DPYSL3: variants seen among roughly 807,000 people sequenced by gnomAD.
DPYSL3 encodes dihydropyrimidinase-related protein 3.
A neutral mutation model predicts 66.1 loss-of-function variants in DPYSL3; 16 were observed. The observed-to-expected ratio is 0.24, with a 90% CI of 0.16 to 0.37. DPYSL3 has a LOEUF of 0.37. DPYSL3 is among the 10% of genes least tolerant of loss of function. DPYSL3 has a pLI of 1.00. For missense variants in DPYSL3, 738 were observed against 916.2 expected, an observed-to-expected ratio of 0.81 and a Z score of 2.51; for synonymous variants, 338 against 345.1, an observed-to-expected ratio of 0.98 and a Z score of 0.23.
chr5:147,443,034 G>C (rs1461283812), intron 1 of DPYSL3, among the ~76,000 whole-genome samples: 2 of 152,162 alleles, frequency 1.3e-5, no homozygotes, highest in Non-Finnish European at 2.9e-5. Flanking sequence ...CAGTAAAACA[G>C]ATAGTAGCAA....
chr5:147,444,168 C>A (rs1355153609), intron 1 of DPYSL3, among the ~76,000 whole-genome samples: 7 of 152,020 alleles, frequency 4.6e-5, no homozygotes, highest in African/African-American at 1.4e-4. Flanking sequence ...TAGCACCATA[C>A]CGTGGGGTTA....
chr5:147,428,327 T>C (rs1345640516), intron 1 of DPYSL3, among the ~76,000 whole-genome samples: 3 of 152,096 alleles, frequency 2.0e-5, no homozygotes, highest in African/African-American at 7.2e-5. Flanking sequence ...AGAGCTCAAA[T>C]AAATGCTTCC....
intron 8 of DPYSL3, 42 bp from the exon 9 acceptor site, chr5:147,401,738 T>A: frequency 6.2e-7 from 1 of 1,610,462 alleles, no homozygotes; most frequent in Non-Finnish European, 8.5e-7. Flanking sequence ...GCATAAAGTA[T>A]ATGCTGCACT....
chr5:147,457,453 G>C (rs141242775), intron 1 of DPYSL3, among the ~76,000 whole-genome samples: 25 of 152,292 alleles, frequency 1.6e-4, no homozygotes, highest in African/African-American at 6.0e-4. Flanking sequence ...AGATTAAATA[G>C]GTGAAGAAGA....
chr5:147,400,548 G>C, intron 10 of DPYSL3, 144 bp downstream of exon 10: 1 of 1,133,818 alleles, frequency 8.8e-7, no homozygotes. Context: ...CACTGCCAGA[G>C]CCACATGGTT....
At chr5:147,407,361 G>A (rs908212467) in intron 7 of DPYSL3, among the ~76,000 whole-genome samples, 11 of 152,110 alleles carry the variant, frequency 7.2e-5, no homozygotes, top group African/African-American at 2.7e-4. Flanking sequence ...ATAAGGAGGA[G>A]GGTGGGGTGG....
At chr5:147,508,596 T>A (rs562542737) in intron 1 of DPYSL3, among the ~76,000 whole-genome samples, 3 of 152,156 alleles carry the variant, frequency 2.0e-5, no homozygotes, top group African/African-American at 7.2e-5. Flanking sequence ...CTCTGTGAAA[T>A]AGACACATAA....
At chr5:147,443,416 T>C (rs896839991) in intron 1 of DPYSL3, among the ~76,000 whole-genome samples, 2 of 151,818 alleles carry the variant, frequency 1.3e-5, no homozygotes, top group Non-Finnish European at 1.5e-5. Flanking sequence ...CACTTATAAG[T>C]GAGAGTTGAA....
intron 12 of DPYSL3, 90 bp downstream of exon 12, chr5:147,397,576 A>G (rs934502119): frequency 1.5e-6 from 2 of 1,365,068 alleles, no homozygotes; most frequent in Non-Finnish European, 2.0e-6. Context: ...GAGTCTAGAG[A>G]TCACAGTGCC....
At position 147,398,932 on chromosome 5, in the gene DPYSL3, G is replaced by A. The variant is rs79912353; in HGVS notation, c.1623+150C>T. Reference sequence around the variant, plus strand: ...GGAAAGCAGGAGAAACACAGTTGAGGTTTTGAGCCACTGAGATTTAGGGGA... The same window carrying A: ...GGAAAGCAGGAGAAACACAGTTGAGATTTTGAGCCACTGAGATTTAGGGGA... On this transcript the variant is annotated intron_variant, in intron 11 of 13. Coordinates refer to ENST00000343218, the MANE Select transcript of DPYSL3 (RefSeq NM_001197294.2). The A allele has an allele frequency of 9.4e-3, 10,415 of 1,111,324 alleles. 694 individuals carry two copies. In the East Asian group the frequency reaches 0.17, roughly 18 times the overall value. 68.8% of individuals were successfully genotyped at this position (1,111,324 alleles called of 1,614,324 possible).
At chr5:147,474,844 T>C (rs1753134630) in intron 1 of DPYSL3, among the ~76,000 whole-genome samples, 1 of 152,096 alleles carries the variant, frequency 6.6e-6, no homozygotes, top group Non-Finnish European at 1.5e-5. Context: ...TTTTAAGGTA[T>C]ATTTAGAGCT....
At chr5:147,497,902 C>T (rs561918890) in intron 1 of DPYSL3, among the ~76,000 whole-genome samples, 3 of 151,860 alleles carry the variant, frequency 2.0e-5, no homozygotes, top group Non-Finnish European at 2.9e-5. Flanking sequence ...TCCCTTCTCT[C>T]TCTCTCTCTC....
At chr5:147,484,652 G>A (rs1033472975) in intron 1 of DPYSL3, among the ~76,000 whole-genome samples, 1 of 152,198 alleles carries the variant, frequency 6.6e-6, no homozygotes, top group African/African-American at 2.4e-5. Context: ...GTGCTCACTG[G>A]TAATATTCAG....
At chr5:147,432,059 G>A (rs1377925122) in intron 1 of DPYSL3, among the ~76,000 whole-genome samples, 1 of 152,088 alleles carries the variant, frequency 6.6e-6, no homozygotes, top group Non-Finnish European at 1.5e-5. Flanking sequence ...AGTTTACCAG[G>A]GTTGGCTATT....
intron 5 of DPYSL3, among the ~76,000 whole-genome samples, chr5:147,412,969 T>C (rs1277327072): frequency 1.3e-5 from 2 of 152,188 alleles, no homozygotes; most frequent in African/African-American, 2.4e-5. Context: ...CTAGCACACA[T>C]TTTTAATGGA....
chr5:147,418,703 T>C lies in DPYSL3; in HGVS notation c.471-72A>G, dbSNP rs1223250141. 4.4e-6 allele frequency: 6 copies of C among 1,372,258 alleles called. 1 individual carries two copies. In the Admixed American group the frequency reaches 8.1e-5, roughly 19 times the overall value. 85.0% of individuals were successfully genotyped at this position (1,372,258 alleles called of 1,614,324 possible). Reference sequence around the variant, plus strand: ...AAAAGTGCAATTTCCAAGACAAATATAGTGGTATAAGGATTTTAAACAGTG... The same window carrying C: ...AAAAGTGCAATTTCCAAGACAAATACAGTGGTATAAGGATTTTAAACAGTG... On this transcript the variant is annotated intron_variant, in intron 2 of 13. Transcript: ENST00000343218.
intron 1 of DPYSL3, among the ~76,000 whole-genome samples, chr5:147,445,748 G>A (rs1170517795): frequency 6.6e-6 from 1 of 151,664 alleles, no homozygotes; most frequent in East Asian, 2.0e-4. Context: ...TTGTTTGTTT[G>A]GCCAGTCTAG....
At chr5:147,455,426 G>A (rs1426794274) in intron 1 of DPYSL3, among the ~76,000 whole-genome samples, 2 of 152,136 alleles carry the variant, frequency 1.3e-5, no homozygotes, top group African/African-American at 4.8e-5. Context: ...GCCAAGCAAA[G>A]ATCACCTCCC....
At chr5:147,503,665 A>T (rs1421880033) in intron 1 of DPYSL3, among the ~76,000 whole-genome samples, 1 of 152,224 alleles carries the variant, frequency 6.6e-6, no homozygotes. Context: ...ATATATACAC[A>T]CACAAGGAAT....
Sources: allele counts gnomAD v4.1 joint callset (sites outside exome capture counted in the v4.1 genomes callset), GRCh38; gene constraint gnomAD v4.1.1; transcripts MANE v1.5; gene names NCBI Gene and HGNC (gene_info 2026-07-23, HGNC 2026-07-21).